The following YTHDF3 variants were observed in gnomAD, a reference collection of about 807,000 sequenced individuals.
The protein encoded by YTHDF3 is YTH domain-containing family protein 3.
Under a neutral mutation model 52.5 loss-of-function variants are expected in YTHDF3, and 9 were observed. That is an observed-to-expected ratio of 0.17 (90% CI 0.10 to 0.30). The LOEUF is 0.30. Among genes scored for constraint, YTHDF3 ranks in the 10% least tolerant of loss-of-function variants. The pLI is 1.00. For synonymous variants in YTHDF3, 274 were observed against 243.3 expected (o/e 1.13, Z -1.18); for missense variants, 534 against 715.0 (o/e 0.75, Z 2.89).
chr8:63,200,726 A>T (rs1374499192), intron 4 of YTHDF3, among the ~76,000 whole-genome samples: 3 of 152,214 alleles, frequency 2.0e-5, no homozygotes, highest in African/African-American at 7.2e-5. Context: ...CTGAAAAATT[A>T]GATTAAAGCC....
chr8:63,206,952 T>C (rs1355290703), intron 4 of YTHDF3, among the ~76,000 whole-genome samples: 1 of 152,228 alleles, frequency 6.6e-6, no homozygotes, highest in Non-Finnish European at 1.5e-5. Context: ...ATTCACTTGA[T>C]AGTTGCTCAT....
intron 2 of YTHDF3, among the ~76,000 whole-genome samples, chr8:63,171,985 C>T (rs1422919048): frequency 6.6e-6 from 1 of 152,068 alleles, no homozygotes; most frequent in Non-Finnish European, 1.5e-5. Context: ...AAAAGGAATT[C>T]TAAATAATTG....
At position 63,209,848 on chromosome 8, in the gene YTHDF3, C is replaced by T. The variant is rs1008582567; in HGVS notation, c.*142C>T. On this transcript the variant is annotated 3_prime_UTR_variant, in exon 5 of 5. Coordinates refer to ENST00000539294, the MANE Select transcript of YTHDF3 (RefSeq NM_152758.6). ...ACTTTAACACAAAGTTGACTCTTCT[C>T]GTAATGGTTTTCATCAGCGCATCTG... 9 of 809,784 alleles carry T rather than the reference C, an allele frequency of 1.1e-5. No homozygotes were observed. In the South Asian group the frequency reaches 1.3e-4, roughly 12 times the overall value. The allele number at this position is 809,784 out of a possible 1,614,324, so 50.2% of individuals were successfully genotyped here. A position where few individuals can be genotyped will look rare whatever the true frequency, so the allele number is the denominator to read the frequency against.
chr8:63,188,702 T>TATATATATATATATA (rs71255383), intron 4 of YTHDF3: 9 of 44,776 alleles, frequency 2.0e-4, no homozygotes, highest in African/African-American at 8.9e-4. Context: ...TATATATATA[T>TATATATATATATATA]TTTTTTTTTT....
chr8:63,187,709 T>C lies in YTHDF3; in HGVS notation c.1698T>C (p.Tyr566=). Residue 566 remains tyrosine, a synonymous_variant, in exon 4 of 5, where the codon TAT becomes TAC. Coordinates refer to ENST00000539294, the MANE Select transcript of YTHDF3 (RefSeq NM_152758.6). ...TTSIFDDFAH[Y]EKRQEEEEAM... ...CAATCTTTGATGACTTTGCACATTA[T>C]GAAAAGCGTCAAGAAGAGGAGGAAG... The C allele has an allele frequency of 6.2e-7, 1 of 1,610,678 alleles. No homozygotes were observed.
chr8:63,180,090 C>G (rs1224636352), intron 3 of YTHDF3, among the ~76,000 whole-genome samples: 5 of 151,088 alleles, frequency 3.3e-5, no homozygotes, highest in African/African-American at 1.2e-4. Flanking sequence ...CCCCACCTCC[C>G]TCCCGGACGA....
Position 63,211,868 on chromosome 8 carries a change from TC to T in YTHDF3, c.*2163del, listed in dbSNP as rs1432162121. The T allele has an allele frequency of 6.6e-6, 1 of 152,468 alleles. No homozygotes were observed. 9.4% of individuals were successfully genotyped at this position (152,468 alleles called of 1,614,324 possible). On this transcript the variant is annotated 3_prime_UTR_variant, in exon 5 of 5. Transcript: ENST00000539294. ...TGCAGCATTCCTTTGGAAAAAAAAA[TC>T]TTTTTATTTTCAAGTGATAATTTTG...
intron 3 of YTHDF3, among the ~76,000 whole-genome samples, chr8:63,180,049 G>T (rs1807997023): frequency 6.6e-6 from 1 of 150,766 alleles, no homozygotes. Flanking sequence ...CCTCCCGGAC[G>T]GGGCGGCTGG....
At chr8:63,204,647 CCACCGCG>C (rs1399935900) in intron 4 of YTHDF3, among the ~76,000 whole-genome samples, 3 of 152,218 alleles carry the variant, frequency 2.0e-5, no homozygotes, top group Non-Finnish European at 4.4e-5. Context: ...CAGGCATGAG[CCACCGCG>C]CACCTGGCTT....
intron 3 of YTHDF3, among the ~76,000 whole-genome samples, chr8:63,185,614 T>C (rs917030652): frequency 1.3e-5 from 2 of 152,250 alleles, no homozygotes; most frequent in Non-Finnish European, 2.9e-5. Flanking sequence ...TTCTCAAGAC[T>C]GTGAGCATTT....
rs542987294 is a variant in YTHDF3 at position 63,168,854 on chromosome 8, G to A, written c.-24G>A. The A allele has an allele frequency of 2.9e-5, 45 of 1,554,228 alleles. No homozygotes were observed. The African/African-American group carries it at 5.6e-4, about 19-fold the overall frequency. ...AGAGGCCCAGGCAGCGGCGGCGGCG[G>A]CGGCTCTCGGGTTGCGGTGAAGAAT... On this transcript the variant is annotated 5_prime_UTR_variant, in exon 1 of 5. Coordinates refer to ENST00000539294, the MANE Select transcript of YTHDF3 (RefSeq NM_152758.6).
intron 4 of YTHDF3, among the ~76,000 whole-genome samples, chr8:63,193,096 G>A (rs1446681420): frequency 1.3e-5 from 2 of 152,054 alleles, no homozygotes; most frequent in Admixed American, 6.5e-5. Flanking sequence ...AGGCCTGGCT[G>A]GGCATGGTGG....
At chr8:63,184,214 T>C (rs1808351116) in intron 3 of YTHDF3, among the ~76,000 whole-genome samples, 1 of 152,202 alleles carries the variant, frequency 6.6e-6, no homozygotes, top group Admixed American at 6.5e-5. Flanking sequence ...AAAACCAACA[T>C]AGTCTGTCAA....
intron 4 of YTHDF3, among the ~76,000 whole-genome samples, chr8:63,196,332 C>T (rs901672618): frequency 6.6e-6 from 1 of 150,652 alleles, no homozygotes; most frequent in South Asian, 2.1e-4. Context: ...GAGGCTGAGG[C>T]GGGAGGATCA....
intron 3 of YTHDF3, among the ~76,000 whole-genome samples, chr8:63,179,919 G>T (rs560229654): frequency 6.6e-6 from 1 of 151,636 alleles, no homozygotes; most frequent in Non-Finnish European, 1.5e-5. Flanking sequence ...CAGTAGGGGC[G>T]GCCGGGCAGA....
intron 4 of YTHDF3, among the ~76,000 whole-genome samples, chr8:63,195,759 T>TGTGTGA (rs1302298008): frequency 6.6e-6 from 1 of 151,258 alleles, no homozygotes; most frequent in Non-Finnish European, 1.5e-5. Context: ...TGTGTGTGTG[T>TGTGTGA]GTGTGACCCT....
intron 4 of YTHDF3, among the ~76,000 whole-genome samples, chr8:63,192,129 C>G (rs1322809497): frequency 6.6e-6 from 1 of 152,214 alleles, no homozygotes; most frequent in Non-Finnish European, 1.5e-5. Flanking sequence ...CCCTTATATA[C>G]TAGCCTTTTG....
intron 4 of YTHDF3, among the ~76,000 whole-genome samples, chr8:63,205,994 A>G (rs536403937): frequency 3.5e-4 from 54 of 152,256 alleles, no homozygotes; most frequent in African/African-American, 1.2e-3. Context: ...CTTTTCTCCT[A>G]TCTGCTAACT....
chr8:63,172,920 C>A, intron 2 of YTHDF3: 1 of 835,508 alleles, frequency 1.2e-6, no homozygotes, highest in Non-Finnish European at 1.6e-6. Context: ...AGTAAATATT[C>A]AAAAACGAAA....
Sources: gnomAD v4.1 joint callset for allele counts (sites outside exome capture counted in the v4.1 genomes callset) on GRCh38, gnomAD v4.1.1 for gene constraint, MANE v1.5 for transcripts, NCBI Gene and HGNC (gene_info 2026-07-23, HGNC 2026-07-21) for gene names.